The following SMARCA5 variants were observed in gnomAD, a reference collection of about 807,000 sequenced individuals.
SMARCA5 encodes the protein SWI/SNF-related matrix-associated actin-dependent regulator of chromatin subfamily A member 5.
Under a neutral mutation model 140.4 loss-of-function variants are expected in SMARCA5, and 18 were observed. The ratio of observed to expected loss-of-function variants is 0.13; its 90% CI spans 0.09 to 0.19. The LOEUF is 0.19. Among genes scored for constraint, SMARCA5 ranks in the 10% least tolerant of loss-of-function variants. SMARCA5 has a pLI of 1.00. For missense variants in SMARCA5, 606 were observed against 1,276.8 expected (o/e 0.47, Z 8.01); for synonymous variants, 449 against 419.6 (o/e 1.07, Z -0.86).
intron 3 of SMARCA5, among the ~76,000 whole-genome samples, chr4:143,522,053 T>C (rs1414416075): frequency 1.3e-5 from 2 of 152,198 alleles, no homozygotes; most frequent in African/African-American, 4.8e-5. Flanking sequence ...GTGGCTTGTT[T>C]AACATCACAT....
intron 11 of SMARCA5, 45 bp downstream of exon 11, chr4:143,536,723 T>G: frequency 2.9e-6 from 4 of 1,357,486 alleles, no homozygotes; most frequent in African/African-American, 1.4e-5. Context: ...TTTAAAATGC[T>G]CATGTTAAAA....
Position 143,536,626 on chromosome 4 carries a change from C to T in SMARCA5, c.1443C>T (p.Asn481=), listed in dbSNP as rs768125558. ...CAACAGATATGCATCTAGTAACCAACAGTGGCAAAATGGTGGTTTTAGACA... is the reference window on the plus strand; with the variant it reads ...CAACAGATATGCATCTAGTAACCAATAGTGGCAAAATGGTGGTTTTAGACA... ...PYTTDMHLVT[N]SGKMVVLDKL... The change falls in exon 11 of 24, where the codon AAC becomes AAT. Residue 481 remains asparagine, a synonymous_variant. Coordinates refer to ENST00000283131, the MANE Select transcript of SMARCA5 (RefSeq NM_003601.4). 6.2e-7 allele frequency: 1 copy of T among 1,613,724 alleles called. No homozygotes were observed. The highest frequency in any genetic ancestry group is 8.5e-7 in the Non-Finnish European group (1 of 1,179,778).
At chr4:143,547,785 GATT>G in intron 21 of SMARCA5, 140 bp from the exon 22 acceptor site, 1 of 561,186 alleles carries the variant, frequency 1.8e-6, no homozygotes, top group Non-Finnish European at 3.2e-6. Flanking sequence ...TCGGGACAAA[GATT>G]ATATAAAGCA....
intron 1 of SMARCA5, among the ~76,000 whole-genome samples, chr4:143,515,036 A>G (rs1436250165): frequency 1.3e-5 from 2 of 152,092 alleles, no homozygotes; most frequent in Non-Finnish European, 2.9e-5. Flanking sequence ...GCTCCTTCCA[A>G]TTTTTATTTT....
chr4:143,547,933 A>G lies in SMARCA5; in HGVS notation c.2778A>G (p.Gly926=), dbSNP rs141555216. 3.4e-5 allele frequency: 53 copies of G among 1,568,298 alleles called. No individual in the cohort carries two copies. The highest frequency in any genetic ancestry group is 1.9e-5 in the Non-Finnish European group (22 of 1,152,002). The change falls in exon 22 of 24, where the codon GGA becomes GGG. Residue 926 remains glycine (G), a synonymous_variant. Transcript: ENST00000283131. ...SIKKALDTKI[G]RYKAPFHQLR... is the part of the protein sequence containing the mutation. The stretch of plus-strand genomic sequence containing the variant: ...ATAAAATCTGACTTTCATAGATTGG[A>G]CGGTACAAAGCACCTTTTCATCAGC...
chr4:143,547,875 T>C, intron 21 of SMARCA5, 53 bp from the exon 22 acceptor site: 8 of 1,098,250 alleles, frequency 7.3e-6, no homozygotes, highest in Non-Finnish European at 1.0e-5. Flanking sequence ...GAGTTTGAAA[T>C]ACAGATTATA....
At chr4:143,552,363 CG>C (rs1737655961) in intron 23 of SMARCA5, among the ~76,000 whole-genome samples, 1 of 151,924 alleles carries the variant, frequency 6.6e-6, no homozygotes, top group Admixed American at 6.6e-5. Context: ...TCTTTGTTTC[CG>C]ATTTAGATGT....
chr4:143,538,503 G>A (rs765064069), intron 11 of SMARCA5, 87 bp from the exon 12 acceptor site: 22 of 1,059,352 alleles, frequency 2.1e-5, no homozygotes, highest in Non-Finnish European at 3.1e-5. Flanking sequence ...TTGGAATTAA[G>A]GATAATTGAT....
intron 22 of SMARCA5, among the ~76,000 whole-genome samples, chr4:143,548,793 T>C (rs1163114546): frequency 1.3e-5 from 2 of 152,066 alleles, no homozygotes; most frequent in African/African-American, 4.8e-5. Context: ...TTTGGGATAT[T>C]CTGGGATAAG....
Position 143,555,029 on chromosome 4 carries a change from C to G in SMARCA5, c.*1845C>G. 2 of 528,216 alleles carry G rather than the reference C, an allele frequency of 3.8e-6. No individual in the cohort carries two copies. Among genetic ancestry groups the G allele is most frequent in the South Asian group, 1.6e-5 (1 of 63,510 alleles). 32.7% of individuals were successfully genotyped at this position (528,216 alleles called of 1,614,324 possible). A position where few individuals can be genotyped will look rare whatever the true frequency, so the allele number is the denominator to read the frequency against. On this transcript the variant is annotated 3_prime_UTR_variant, in exon 24 of 24. Transcript: ENST00000283131. ...AAATCTGTTTTAACCTGTCACTTCC[C>G]TGTCACTTCTCTGGCTTTCCTCTCC...
At chr4:143,547,890 A>G (rs767281826) in intron 21 of SMARCA5, 38 bp from the exon 22 acceptor site, 1 of 1,212,562 alleles carries the variant, frequency 8.2e-7, no homozygotes, top group Non-Finnish European at 1.2e-6. Context: ...ATTATATAGG[A>G]TTTGTATTTT....
intron 1 of SMARCA5, among the ~76,000 whole-genome samples, chr4:143,514,900 G>C (rs886541984): frequency 6.6e-6 from 1 of 152,080 alleles, no homozygotes; most frequent in Non-Finnish European, 1.5e-5. Flanking sequence ...ACTCGCTGCC[G>C]AGACTTATGG....
At chr4:143,547,854 A>T in intron 21 of SMARCA5, 74 bp from the exon 22 acceptor site, 1 of 880,324 alleles carries the variant, frequency 1.1e-6, no homozygotes, top group Non-Finnish European at 1.7e-6. Context: ...TTAGCTAATT[A>T]TACTAAAGCT....
In SMARCA5 at chr4:143,545,952, G is replaced by T; in HGVS notation, c.2425G>T (p.Ala809Ser). ...ACCTCGAAATCCTGAGCTGCCTAAT[G>T]CAGCACAGGCACAAAAAGAAGAACA... ...KVPRNPELPN[A>S]AQAQKEEQLK... The change falls in exon 19 of 24, where the codon GCA becomes TCA. Residue 809 changes from alanine to serine, a missense_variant. Around this residue, in one of 10 missense-constraint regions of SMARCA5, gnomAD observed 121 missense variants for 227.1 expected, o/e 0.53. Transcript: ENST00000283131. 1 of 1,607,576 alleles carries T rather than the reference G, an allele frequency of 6.2e-7. No homozygotes were observed. Among genetic ancestry groups the T allele is most frequent in the Non-Finnish European group, 8.5e-7 (1 of 1,176,098 alleles).
At position 143,555,559 on chromosome 4, in the gene SMARCA5, GAATA is replaced by G. The variant is rs1179681786; in HGVS notation, c.*2379_*2382del. The G allele has an allele frequency of 9.4e-6, 3 of 317,564 alleles. No individual in the cohort carries two copies. Among genetic ancestry groups the G allele is most frequent in the South Asian group, 3.5e-5 (1 of 28,980 alleles). 19.7% of individuals were successfully genotyped at this position (317,564 alleles called of 1,614,324 possible). The stretch of plus-strand genomic sequence containing the variant: ...GTTTTAATAATCTGATCATGATACT[GAATA>G]AATGTCTTTTTTTTTTTTTAACAAC... On this transcript the variant is annotated 3_prime_UTR_variant, in exon 24 of 24. Transcript: ENST00000283131.
In SMARCA5 at chr4:143,542,044, G is replaced by A. The variant is rs540874090; in HGVS notation, c.1904-1465G>A. ...GGCTAATTTTTTTGTATTTTTAGTA[G>A]AGACAGGGTTTCACTTTGTTGGCCA... On this transcript the variant is annotated intron_variant, in intron 14 of 23. Transcript: ENST00000283131. Among the ~76,000 whole-genome samples, 3 of 152,080 alleles carry A rather than the reference G, an allele frequency of 2.0e-5. No individual in the cohort carries two copies. The East Asian group carries it at 5.8e-4, about 29-fold the overall frequency.
At chr4:143,544,152 T>C in intron 16 of SMARCA5, 180 bp downstream of exon 16, 2 of 387,302 alleles carry the variant, frequency 5.2e-6, no homozygotes, top group African/African-American at 2.1e-5. Flanking sequence ...TGGTAAGCTC[T>C]GAAATATTTT....
At chr4:143,521,367 T>G in intron 2 of SMARCA5, 62 bp from the exon 3 acceptor site, 4 of 1,274,010 alleles carry the variant, frequency 3.1e-6, no homozygotes, top group Non-Finnish European at 3.3e-6. Flanking sequence ...ATGCTGAAAC[T>G]TTGATTTCTG....
chr4:143,527,692 T>C (rs1310286524), intron 6 of SMARCA5, among the ~76,000 whole-genome samples, 176 bp from the exon 7 acceptor site: 1 of 152,216 alleles, frequency 6.6e-6, no homozygotes, highest in Non-Finnish European at 1.5e-5. Context: ...TTTAAATGAT[T>C]AATGACGTTA....
Sources: allele counts gnomAD v4.1 joint callset (sites outside exome capture counted in the v4.1 genomes callset), GRCh38; gene constraint gnomAD v4.1.1; regional missense constraint gnomAD v4.1.1; transcripts MANE v1.5; gene names NCBI Gene and HGNC (gene_info 2026-07-23, HGNC 2026-07-21).